SLC23A2: variants seen among roughly 807,000 people sequenced by gnomAD.
SLC23A2 encodes solute carrier family 23 member 2.
SLC23A2 carries 36 observed loss-of-function variants against 73.3 expected under a neutral mutation model. The ratio of observed to expected loss-of-function variants is 0.49; its 90% CI spans 0.38 to 0.65. SLC23A2 has a LOEUF of 0.65. SLC23A2 is among the 30% of genes least tolerant of loss of function. The pLI is 0.00. For synonymous variants in SLC23A2, 343 were observed against 327.3 expected, an observed-to-expected ratio of 1.05 and a Z score of -0.52; for missense variants, 507 against 841.6, an observed-to-expected ratio of 0.60 and a Z score of 4.92.
At chr20:4,875,360 C>T (rs141467705) in intron 9 of SLC23A2, among the ~76,000 whole-genome samples, 8 of 152,290 alleles carry the variant, frequency 5.3e-5, no homozygotes, top group African/African-American at 7.2e-5. Flanking sequence ...CTAATGTCTT[C>T]CTGTGCAGCA....
intron 7 of SLC23A2, among the ~76,000 whole-genome samples, chr20:4,885,032 A>T (rs144812984): frequency 1.2e-3 from 186 of 152,340 alleles, no homozygotes; most frequent in African/African-American, 4.2e-3. Context: ...ATCGACTAAG[A>T]GCTCCCCAAA....
At chr20:4,996,742 C>T (rs2088029544) in intron 1 of SLC23A2, among the ~76,000 whole-genome samples, 2 of 148,536 alleles carry the variant, frequency 1.3e-5, no homozygotes, top group Admixed American at 1.3e-4. Context: ...TTCCTGATCA[C>T]TGACCAGAGA....
At chr20:4,871,271 C>T (rs1930436239) in intron 11 of SLC23A2, among the ~76,000 whole-genome samples, 1 of 152,132 alleles carries the variant, frequency 6.6e-6, no homozygotes, top group Admixed American at 6.5e-5. Context: ...AGGGAAATTG[C>T]TCAACTTCAA....
At chr20:4,923,766 A>T (rs924078895) in intron 3 of SLC23A2, among the ~76,000 whole-genome samples, 1 of 152,226 alleles carries the variant, frequency 6.6e-6, no homozygotes, top group Non-Finnish European at 1.5e-5. Flanking sequence ...AGTCACAAGA[A>T]CAAGGACATG....
intron 3 of SLC23A2, among the ~76,000 whole-genome samples, chr20:4,919,418 G>T (rs909901031): frequency 6.6e-6 from 1 of 152,182 alleles, no homozygotes; most frequent in Admixed American, 6.5e-5. Flanking sequence ...GCACCCCGGG[G>T]ATTCCAGCTG....
At chr20:4,914,120 C>T (rs1168571395) in intron 3 of SLC23A2, among the ~76,000 whole-genome samples, 1 of 151,006 alleles carries the variant, frequency 6.6e-6, no homozygotes, top group East Asian at 2.0e-4. Flanking sequence ...TTGTGAAATA[C>T]ACTAAAAGCA....
Position 4,891,575 on chromosome 20 carries a change from C to T in SLC23A2, c.483-5666G>A, listed in dbSNP as rs998679582. Reference sequence around the variant, plus strand: ...CTGGGGACACTGGCAGTGTGGCCAACCCCAAGCCCTGCTACACTCATCAGG... The same window carrying T: ...CTGGGGACACTGGCAGTGTGGCCAATCCCAAGCCCTGCTACACTCATCAGG... On this transcript the variant is annotated intron_variant, in intron 6 of 16. Transcript: ENST00000338244. Among the ~76,000 whole-genome samples the T allele has an allele frequency of 5.9e-5, 9 of 152,292 alleles. No homozygotes were observed. In the South Asian group the frequency reaches 1.9e-3, roughly 32 times the overall value.
At chr20:4,983,711 C>T (rs2087770209) in intron 1 of SLC23A2, among the ~76,000 whole-genome samples, 1 of 148,856 alleles carries the variant, frequency 6.7e-6, no homozygotes, top group South Asian at 2.1e-4. Flanking sequence ...AATCCCAGCA[C>T]TTTGGGAGGC....
At chr20:4,919,281 G>A (rs1341722605) in intron 3 of SLC23A2, among the ~76,000 whole-genome samples, 1 of 152,180 alleles carries the variant, frequency 6.6e-6, no homozygotes, top group Non-Finnish European at 1.5e-5. Context: ...TCTTCCCACA[G>A]GATGGCTCCT....
chr20:4,932,462 G>C lies in SLC23A2; in HGVS notation c.101C>G (p.Thr34Ser). 4 of 1,555,752 alleles carry C rather than the reference G, an allele frequency of 2.6e-6. No homozygotes were observed. The highest frequency in any genetic ancestry group is 1.7e-5 in the Admixed American group (1 of 59,966). The stretch of plus-strand genomic sequence containing the variant: ...GATGGGGAATATGATTACCGGAAGA[G>C]TGAAGAAAGCTGGGTGCTTTGCCTC... ...EDEAKHPAFFTLPVVINGGAT... is the reference protein window; with the variant it reads ...EDEAKHPAFFSLPVVINGGAT... Residue 34 changes from threonine to serine, a missense_variant, in exon 3 of 17, where the codon ACT becomes AGT. By Grantham distance (58) the Thr-to-Ser change is moderately conservative. Around this residue, in one of 5 missense-constraint regions of SLC23A2, gnomAD observed 78 missense variants for 86.7 expected, o/e 0.90. Coordinates refer to ENST00000338244, the MANE Select transcript of SLC23A2 (RefSeq NM_005116.6).
intron 3 of SLC23A2, among the ~76,000 whole-genome samples, chr20:4,931,548 G>A (rs1383370422): frequency 6.6e-6 from 1 of 152,072 alleles, no homozygotes; most frequent in Non-Finnish European, 1.5e-5. Flanking sequence ...CTTGAGCCCT[G>A]GAGTTCAAGA....
intron 2 of SLC23A2, among the ~76,000 whole-genome samples, chr20:4,943,049 A>G (rs2122965854): frequency 6.7e-6 from 1 of 148,790 alleles, no homozygotes; most frequent in Middle Eastern, 3.5e-3. Flanking sequence ...CTCTGACTCT[A>G]CAAAAAATAA....
chr20:4,937,914 C>CT (rs2086984990), intron 2 of SLC23A2, among the ~76,000 whole-genome samples: 1 of 152,212 alleles, frequency 6.6e-6, no homozygotes, highest in South Asian at 2.1e-4. Context: ...CCTCCTTGGA[C>CT]TAGGAACTCT....
chr20:4,873,814 G>A (rs1930546466), intron 11 of SLC23A2, 122 bp downstream of exon 11: 1 of 972,724 alleles, frequency 1.0e-6, no homozygotes. Flanking sequence ...ATCCTCTCCT[G>A]ACCAGAATGG....
chr20:4,990,538 AT>A (rs906251685), intron 1 of SLC23A2, among the ~76,000 whole-genome samples: 2,356 of 140,766 alleles, frequency 0.017, 36 homozygotes, highest in African/African-American at 0.037. Flanking sequence ...CAACCAGCTA[AT>A]TTTTTTTTTT....
intron 2 of SLC23A2, among the ~76,000 whole-genome samples, chr20:4,939,320 T>C (rs2122958730): frequency 6.6e-6 from 1 of 152,294 alleles, no homozygotes; most frequent in Non-Finnish European, 1.5e-5. Flanking sequence ...TTTAATAATC[T>C]TACTACATCA....
intron 3 of SLC23A2, 91 bp from the exon 4 acceptor site, chr20:4,913,069 G>A (rs1932214550): frequency 6.1e-6 from 5 of 817,006 alleles, no homozygotes; most frequent in Non-Finnish European, 1.1e-5. Context: ...GTGAGTGCAT[G>A]ACCAGGCATG....
At chr20:4,878,066 G>C (rs1185352900) in intron 9 of SLC23A2, among the ~76,000 whole-genome samples, 5 of 152,006 alleles carry the variant, frequency 3.3e-5, no homozygotes, top group African/African-American at 1.2e-4. Context: ...TTTGCCAAAT[G>C]GCTACTCCTA....
At chr20:4,989,238 A>G (rs2087885236) in intron 1 of SLC23A2, among the ~76,000 whole-genome samples, 1 of 148,378 alleles carries the variant, frequency 6.7e-6, no homozygotes, top group Admixed American at 6.7e-5. Context: ...CCCCGTCTCA[A>G]AAAAAAAAAA....
Sources: gnomAD v4.1 joint callset for allele counts (sites outside exome capture counted in the v4.1 genomes callset) on GRCh38, gnomAD v4.1.1 for gene constraint, gnomAD v4.1.1 regional missense constraint, MANE v1.5 for transcripts, NCBI Gene and HGNC (gene_info 2026-07-23, HGNC 2026-07-21) for gene names.